Variants in BPNT2 observed in about 807,000 individuals in gnomAD.
BPNT2 encodes Golgi-resident adenosine 3',5'-bisphosphate 3'-phosphatase.
In BPNT2, 11 loss-of-function variants were observed where a neutral mutation model predicts 29.3. That is an observed-to-expected ratio of 0.38 (90% CI 0.24 to 0.62). The LOEUF (loss-of-function observed/expected upper bound fraction) is 0.62. Ranked by LOEUF, BPNT2 falls within the 20% of genes least tolerant of loss-of-function variation. The probability of loss-of-function intolerance (pLI) is 0.62; values close to 1 mark genes in which losing one functional copy is unlikely to be tolerated. For missense variants in BPNT2, 459 were observed against 473.4 expected (o/e 0.97, Z 0.28); for synonymous variants, 195 against 187.7 (o/e 1.04, Z -0.32).
intron 3 of BPNT2, among the ~76,000 whole-genome samples, chr8:56,975,326 T>C (rs182548634): frequency 3.9e-5 from 6 of 152,312 alleles, no homozygotes; most frequent in African/African-American, 1.4e-4. Flanking sequence ...AAACCCTTCT[T>C]GAACCACTGT....
intron 1 of BPNT2, among the ~76,000 whole-genome samples, chr8:56,981,178 C>T (rs1420643405): frequency 5.3e-5 from 8 of 152,110 alleles, no homozygotes; most frequent in Admixed American, 1.3e-4. Context: ...TTGTCAAGTG[C>T]GCCCCTGTCC....
chr8:56,982,126 CTTT>C (rs539120953), intron 1 of BPNT2, among the ~76,000 whole-genome samples: 7 of 141,502 alleles, frequency 4.9e-5, no homozygotes, highest in Admixed American at 2.1e-4. Flanking sequence ...TTAAATATCT[CTTT>C]TTTTTTTTTT....
intron 1 of BPNT2, among the ~76,000 whole-genome samples, chr8:56,982,033 A>C (rs982761136): frequency 6.6e-6 from 1 of 152,184 alleles, no homozygotes; most frequent in African/African-American, 2.4e-5. Flanking sequence ...ACCAATCTCC[A>C]GAAGGTACCC....
rs576225144 is a variant in BPNT2, at chr8:56,959,229, A to G, written c.*4564T>C. On this transcript the variant is annotated 3_prime_UTR_variant, in exon 5 of 5. Coordinates refer to ENST00000262644, the MANE Select transcript of BPNT2 (RefSeq NM_017813.5). ...TTGGTTTATGTTATCTTATCTAGAA[A>G]GAAAACTACTTACAAATCTCATTTT... 2 of 152,380 alleles carry G rather than the reference A, an allele frequency of 1.3e-5. No individual in the cohort carries two copies. Among genetic ancestry groups the G allele is most frequent in the African/African-American group, 4.8e-5 (2 of 41,604 alleles). The allele number at this position is 152,380 out of a possible 1,614,324, so 9.4% of individuals were successfully genotyped here.
At chr8:56,987,136 T>C (rs951088248) in intron 1 of BPNT2, among the ~76,000 whole-genome samples, 73 of 152,230 alleles carry the variant, frequency 4.8e-4, no homozygotes, top group Admixed American at 4.7e-3. Context: ...TTCAGTTACT[T>C]TGGGGTTTGA....
At position 56,978,037 on chromosome 8, in the gene BPNT2, G is replaced by A. The variant is rs1173625990; in HGVS notation, c.646+13C>T. 6.8e-7 allele frequency: 1 copy of A among 1,465,268 alleles called. No individual in the cohort carries two copies. The highest frequency in any genetic ancestry group is 1.1e-5 in the South Asian group (1 of 88,048). The allele number at this position is 1,465,268 out of a possible 1,614,324, so 90.8% of individuals were successfully genotyped here. On this transcript the variant is annotated intron_variant, in intron 3 of 4. Transcript: ENST00000262644. ...ATAACAATAATTCTTGAAAGTTCTA[G>A]CAAATTTCATACCTGTATATTCGGA... is the stretch of plus-strand genomic sequence containing the variant.
At position 56,963,828 on chromosome 8, in the gene BPNT2, T is replaced by TC; in HGVS notation, c.1044_1045insG (p.Lys349GlufsTer11). On this transcript the variant is annotated frameshift_variant, in exon 5 of 5. Coordinates refer to ENST00000262644, the MANE Select transcript of BPNT2 (RefSeq NM_017813.5). LOFTEE classifies it high-confidence loss of function. ...CCTGTCTTTTCTAGATCTGGGAGTTTTCTGACCAGGGCCTGGTGGTTCATT... is the reference window on the plus strand; with the variant it reads ...CCTGTCTTTTCTAGATCTGGGAGTTTCTCTGACCAGGGCCTGGTGGTTCATT... The TC allele has an allele frequency of 6.2e-7, 1 of 1,614,174 alleles. No individual in the cohort carries two copies. The highest frequency in any genetic ancestry group is 8.5e-7 in the Non-Finnish European group (1 of 1,180,032).
In BPNT2 at chr8:56,959,973, C is replaced by G. The variant is rs958672324; in HGVS notation, c.*3820G>C. On this transcript the variant is annotated 3_prime_UTR_variant, in exon 5 of 5. Transcript: ENST00000262644. ...TTAGGTTTATTTTATACAACAGTTA[C>G]AAGACAGACCTTTTGTAGGCATATA... The G allele has an allele frequency of 3.3e-5, 5 of 152,096 alleles. No homozygotes were observed. Among genetic ancestry groups the G allele is most frequent in the African/African-American group, 1.2e-4 (5 of 41,434 alleles). The allele number at this position is 152,096 out of a possible 1,614,324, so 9.4% of individuals were successfully genotyped here. A position where few individuals can be genotyped will look rare whatever the true frequency, so the allele number is the denominator to read the frequency against.
At position 56,959,212 on chromosome 8, in the gene BPNT2, T is replaced by C. The variant is rs902818471; in HGVS notation, c.*4581A>G. 1 of 152,232 alleles carries C rather than the reference T, an allele frequency of 6.6e-6. No individual in the cohort carries two copies. The highest frequency in any genetic ancestry group is 1.9e-4 in the East Asian group (1 of 5,190). The allele number at this position is 152,232 out of a possible 1,614,324, so 9.4% of individuals were successfully genotyped here. On this transcript the variant is annotated 3_prime_UTR_variant, in exon 5 of 5. Transcript: ENST00000262644. ...CCTTAACTTCTGAAAGTTTGGTTTATGTTATCTTATCTAGAAAGAAAACTA... is the reference window on the plus strand; with the variant it reads ...CCTTAACTTCTGAAAGTTTGGTTTACGTTATCTTATCTAGAAAGAAAACTA...
At chr8:56,973,154 C>T (rs12056416) in intron 3 of BPNT2, among the ~76,000 whole-genome samples, 18,932 of 152,100 alleles carry the variant, frequency 0.12, 1,316 homozygotes, top group East Asian at 0.18. Context: ...AGTACTTTGC[C>T]AGTAAGGGAC....
rs890883190 is a variant in BPNT2, at chr8:56,978,158, A to C, written c.551-13T>G. 5 of 1,487,406 alleles carry C rather than the reference A, an allele frequency of 3.4e-6. No homozygotes were observed. Among genetic ancestry groups the C allele is most frequent in the Non-Finnish European group, 4.7e-6 (5 of 1,066,314 alleles). 92.1% of individuals were successfully genotyped at this position (1,487,406 alleles called of 1,614,324 possible). On this transcript the variant is annotated splice_polypyrimidine_tract_variant and intron_variant, in intron 2 of 4. Transcript: ENST00000262644. ...TTTCGAAGATCCTCTATGAGAAAAA[A>C]AACAAAACAACACACACAAATGTCA... is the stretch of plus-strand genomic sequence containing the variant.
intron 3 of BPNT2, among the ~76,000 whole-genome samples, chr8:56,970,879 T>G (rs1806020100): frequency 6.6e-6 from 1 of 152,064 alleles, no homozygotes; most frequent in African/African-American, 2.4e-5. Flanking sequence ...TTGAAATTAT[T>G]CATAAAAGTA....
chr8:56,965,190 A>C (rs1220742786), intron 4 of BPNT2, among the ~76,000 whole-genome samples: 1 of 152,024 alleles, frequency 6.6e-6, no homozygotes, highest in East Asian at 1.9e-4. Context: ...ATGGTGGTGC[A>C]TGCCTGTAGT....
chr8:56,979,355 TAGG>T (rs1806201578), intron 2 of BPNT2, among the ~76,000 whole-genome samples: 1 of 152,210 alleles, frequency 6.6e-6, no homozygotes, highest in African/African-American at 2.4e-5. Context: ...AATCTCAGTT[TAGG>T]AGAACTTTTT....
At chr8:56,972,082 T>C (rs1806045618) in intron 3 of BPNT2, among the ~76,000 whole-genome samples, 1 of 150,380 alleles carries the variant, frequency 6.6e-6, no homozygotes, top group South Asian at 2.1e-4. Context: ...CGAGACTCCG[T>C]CTCAAAAAAA....
chr8:56,986,018 C>T (rs75520240), intron 1 of BPNT2, among the ~76,000 whole-genome samples: 1,571 of 152,322 alleles, frequency 0.01, 17 homozygotes, highest in Non-Finnish European at 0.016. Context: ...AACTAGGTCA[C>T]AGTCACTACA....
chr8:56,964,193 T>TAA lies in BPNT2; in HGVS notation c.809-130_809-129insTT, dbSNP rs1228946197. 2.7e-4 allele frequency: 172 copies of TAA among 629,286 alleles called. 1 individual carries two copies. The highest frequency in any genetic ancestry group is 8.4e-4 in the Middle Eastern group (2 of 2,392). The allele number at this position is 629,286 out of a possible 1,614,324, so 39.0% of individuals were successfully genotyped here. On this transcript the variant is annotated intron_variant, in intron 4 of 4. Transcript: ENST00000262644. ...AGGAGCTTGCTGCAGTCTCTGCAAC[T>TAA]GCTTAAGTTTAAAATTATTTCAAAT...
Position 56,993,683 on chromosome 8 carries a change from C to A in BPNT2, c.-98G>T, listed in dbSNP as rs1806459720. 9.3e-7 allele frequency: 1 copy of A among 1,073,226 alleles called. No homozygotes were observed. The highest frequency in any genetic ancestry group is 1.1e-6 in the Non-Finnish European group (1 of 890,590). The allele number at this position is 1,073,226 out of a possible 1,614,324, so 66.5% of individuals were successfully genotyped here. On this transcript the variant is annotated 5_prime_UTR_variant, in exon 1 of 5. Transcript: ENST00000262644. ...CCGCCGCGCTCCGGGCCAGGCGCCG[C>A]GCGGGCTACACTGGCGCCCGCTCCC... is the stretch of plus-strand genomic sequence containing the variant.
chr8:56,966,425 A>G, intron 3 of BPNT2, 73 bp from the exon 4 acceptor site: 3 of 1,304,234 alleles, frequency 2.3e-6, no homozygotes, highest in Non-Finnish European at 3.3e-6. Context: ...TCAGAACCCA[A>G]AGTGCTATGT....
Sources: allele counts gnomAD v4.1 joint callset (sites outside exome capture counted in the v4.1 genomes callset), GRCh38; gene constraint gnomAD v4.1.1; transcripts MANE v1.5; gene names NCBI Gene and HGNC (gene_info 2026-07-23, HGNC 2026-07-21).